Variants in TOGARAM2 observed in about 807,000 individuals in gnomAD.
TOGARAM2 encodes the protein TOG array regulator of axonemal microtubules protein 2.
A neutral mutation model predicts 93.3 loss-of-function variants in TOGARAM2; 85 were observed. The ratio of observed to expected loss-of-function variants is 0.91; its 90% confidence interval spans 0.76 to 1.09. TOGARAM2 has a LOEUF of 1.09. Among genes scored for constraint, TOGARAM2 ranks in the 50% least tolerant of loss-of-function variants. The pLI is 0.00. For synonymous variants in TOGARAM2, 593 were observed against 552.8 expected (o/e 1.07, Z -1.02); for missense variants, 1,277 against 1,334.5 (o/e 0.96, Z 0.67).
intron 9 of TOGARAM2, 63 bp downstream of exon 9, chr2:29,017,367 C>T (rs1664648554): frequency 7.1e-7 from 1 of 1,405,898 alleles, no homozygotes; most frequent in African/African-American, 1.5e-5. Context: ...CTCTCATAGC[C>T]TGCTGATGGG....
intron 1 of TOGARAM2, among the ~76,000 whole-genome samples, chr2:28,969,277 T>C (rs1354734132): frequency 6.6e-6 from 1 of 152,122 alleles, no homozygotes; most frequent in African/African-American, 2.4e-5. Flanking sequence ...CACATTGAAA[T>C]GTGAGATTAT....
At chr2:28,974,203 C>A (rs1167927111) in intron 1 of TOGARAM2, among the ~76,000 whole-genome samples, 2 of 149,888 alleles carry the variant, frequency 1.3e-5, no homozygotes, top group Non-Finnish European at 3.0e-5. Context: ...TCTCAGCTCA[C>A]TGCAACCTCT....
chr2:29,034,260 G>A (rs945754003), intron 16 of TOGARAM2, among the ~76,000 whole-genome samples: 2 of 152,154 alleles, frequency 1.3e-5, no homozygotes, highest in East Asian at 3.9e-4. Context: ...TCTCCCTGCT[G>A]TGCCTTTGCT....
rs139910634 is a variant in TOGARAM2, at chr2:28,998,824, G to C, written c.140-357G>C. Among the ~76,000 whole-genome samples the C allele has an allele frequency of 1.2e-3, 185 of 152,256 alleles. 1 individual carries two copies. The South Asian group carries it at 0.014, about 12-fold the overall frequency. ...CTCCTTGTAGTCTGTGCTTGGCATA[G>C]GTCAGTGCTCGGGGATCTGATGACT... On this transcript the variant is annotated intron_variant, in intron 3 of 19. Transcript: ENST00000379558.
At chr2:29,035,426 C>T (rs1323091676) in intron 16 of TOGARAM2, 38 bp from the exon 17 acceptor site, 1 of 1,294,026 alleles carries the variant, frequency 7.7e-7, no homozygotes, top group Non-Finnish European at 9.9e-7. Flanking sequence ...CCCCCGGGCT[C>T]TTCCCTGGGG....
At chr2:28,959,086 T>C (rs1671764296) in intron 1 of TOGARAM2, among the ~76,000 whole-genome samples, 2 of 152,194 alleles carry the variant, frequency 1.3e-5, no homozygotes, top group South Asian at 4.1e-4. Flanking sequence ...AGGTGGTGGC[T>C]GCACCTCCAG....
In TOGARAM2 at chr2:28,999,390, G is replaced by A. The variant is rs746770883; in HGVS notation, c.349G>A (p.Val117Met). The A allele has an allele frequency of 4.2e-5, 68 of 1,613,288 alleles. No homozygotes were observed. Among genetic ancestry groups the A allele is most frequent in the East Asian group, 8.9e-5 (4 of 44,874 alleles). ...LPSPESEANSVARDTIQIKDK... is the reference protein window; with the variant it reads ...LPSPESEANSMARDTIQIKDK... ...TTCTCCGGAGTCAGAGGCCAACAGC[G>A]TGGCCAGGGACACCATCCAGATTAA... The change falls in exon 4 of 20, where the codon GTG (valine) becomes ATG (methionine). Residue 117 changes from valine (V) to methionine (M), a missense_variant. Coordinates refer to ENST00000379558, the MANE Select transcript of TOGARAM2 (RefSeq NM_199280.4).
In TOGARAM2 at chr2:28,991,036, G is replaced by T. The variant is rs74651101; in HGVS notation, c.-110-3689G>T. ...TGTGTGTGTGTGTGTGTGTGTGTGT[G>T]TGTGGCTTTTCCCCAGGGAAAAAGA... On this transcript the variant is annotated intron_variant, in intron 1 of 19. Coordinates refer to ENST00000379558, the MANE Select transcript of TOGARAM2 (RefSeq NM_199280.4). 8.5e-3 allele frequency among the ~76,000 whole-genome samples: 1,070 copies of T among 126,356 alleles called. 21 individuals are homozygous for T. Among genetic ancestry groups the T allele is most frequent in the African/African-American group, 0.031 (992 of 31,502 alleles). The allele number at this position is 126,356 out of a possible 152,430, so 82.9% of individuals were successfully genotyped here.
At chr2:28,959,898 A>C (rs1442163411) in intron 1 of TOGARAM2, among the ~76,000 whole-genome samples, 1 of 152,240 alleles carries the variant, frequency 6.6e-6, no homozygotes. Context: ...CAAAGAGTGC[A>C]CTGACATAAA....
At chr2:28,964,416 G>T (rs1306317569) in intron 1 of TOGARAM2, among the ~76,000 whole-genome samples, 1 of 145,534 alleles carries the variant, frequency 6.9e-6, no homozygotes, top group African/African-American at 2.5e-5. Flanking sequence ...CTCTTTATCT[G>T]TGTTTTTAAT....
chr2:28,994,646 C>G (rs1394993961), intron 1 of TOGARAM2, 79 bp from the exon 2 acceptor site: 1 of 539,052 alleles, frequency 1.9e-6, no homozygotes, highest in African/African-American at 1.9e-5. Flanking sequence ...ATGCTTTAGC[C>G]CCTGAAGGGC....
chr2:28,977,447 C>T (rs1376525068), upstream of TOGARAM2, among the ~76,000 whole-genome samples: 2 of 152,156 alleles, frequency 1.3e-5, no homozygotes, highest in Non-Finnish European at 2.9e-5. Context: ...GCAACACCAG[C>T]CCAGGGGGTC....
At chr2:28,964,091 C>T (rs145200737) in intron 1 of TOGARAM2, among the ~76,000 whole-genome samples, 1 of 152,310 alleles carries the variant, frequency 6.6e-6, no homozygotes, top group Non-Finnish European at 1.5e-5. Flanking sequence ...TAGTGTCATG[C>T]AGGTTTTCTA....
intron 2 of TOGARAM2, among the ~76,000 whole-genome samples, chr2:28,995,959 A>T (rs1287760175): frequency 6.6e-6 from 1 of 152,230 alleles, no homozygotes; most frequent in Non-Finnish European, 1.5e-5. Context: ...ACTTAGCAGC[A>T]GGTACAGTAC....
intron 4 of TOGARAM2, among the ~76,000 whole-genome samples, chr2:29,000,505 TA>T (rs1428380007): frequency 5.3e-5 from 8 of 152,224 alleles, no homozygotes; most frequent in Non-Finnish European, 1.0e-4. Context: ...GGGAAGAACT[TA>T]ATACATTGTT....
chr2:28,976,650 C>T (rs200101894), upstream of TOGARAM2, among the ~76,000 whole-genome samples: 8 of 152,334 alleles, frequency 5.3e-5, no homozygotes, highest in Admixed American at 3.3e-4. Flanking sequence ...AACCAGAAGG[C>T]GTTAGTCCCC....
At chr2:29,045,821 G>A (rs1666711148) in intron 19 of TOGARAM2, 1 of 258,930 alleles carries the variant, frequency 3.9e-6, no homozygotes. Flanking sequence ...CAGAAAAAAA[G>A]CCGAAGTACT....
At chr2:28,986,547 G>C (rs72786148) in intron 1 of TOGARAM2, among the ~76,000 whole-genome samples, 2 of 152,220 alleles carry the variant, frequency 1.3e-5, no homozygotes, top group African/African-American at 2.4e-5. Flanking sequence ...TGTTAAGAAA[G>C]GTTCTTCCCA....
intron 5 of TOGARAM2, 87 bp downstream of exon 5, chr2:29,002,834 T>G: frequency 7.9e-7 from 1 of 1,260,118 alleles, no homozygotes. Context: ...CACCAACCCC[T>G]GACTCCATGC....
Sources: allele counts gnomAD v4.1 joint callset (sites outside exome capture counted in the v4.1 genomes callset), GRCh38; gene constraint gnomAD v4.1.1; transcripts MANE v1.5; gene names NCBI Gene and HGNC (gene_info 2026-07-23, HGNC 2026-07-21).